The following EPHA6 variants were observed in gnomAD, a reference collection of about 807,000 sequenced individuals.
EPHA6 encodes the protein EPH receptor A6, also known as ephrin type-A receptor 6.
In EPHA6, 50 loss-of-function variants were observed where a neutral mutation model predicts 112.0. That is an observed-to-expected ratio of 0.45 (90% confidence interval 0.36 to 0.56). The LOEUF is 0.56. Ranked by LOEUF, EPHA6 falls within the 20% of genes least tolerant of loss-of-function variation. The pLI, the probability that EPHA6 is intolerant of heterozygous loss-of-function variation, is 0.00. For synonymous variants in EPHA6, 529 were observed against 490.7 expected, an observed-to-expected ratio of 1.08 and a Z score of -1.03; for missense variants, 1,280 against 1,417.4, an observed-to-expected ratio of 0.90 and a Z score of 1.56.
intron 6 of EPHA6, among the ~76,000 whole-genome samples, chr3:97,431,325 T>C (rs1272917741): frequency 6.6e-6 from 1 of 152,132 alleles, no homozygotes; most frequent in Non-Finnish European, 1.5e-5. Flanking sequence ...TTTTAAAAAC[T>C]TTAAGTCAAA....
chr3:97,426,365 C>T (rs1393062510), intron 6 of EPHA6, among the ~76,000 whole-genome samples: 2 of 152,134 alleles, frequency 1.3e-5, no homozygotes, highest in African/African-American at 4.8e-5. Context: ...TTTATGTAAC[C>T]ATCAAATCTC....
At chr3:97,559,480 T>C (rs72930184) in intron 11 of EPHA6, 47,175 of 315,534 alleles carry the variant, frequency 0.15, 4,370 homozygotes, top group Admixed American at 0.28. Context: ...AAATTCTGAA[T>C]CAGCAGACAG....
intron 4 of EPHA6, among the ~76,000 whole-genome samples, chr3:97,228,462 A>G (rs982714568): frequency 6.7e-6 from 1 of 150,372 alleles, no homozygotes; most frequent in Non-Finnish European, 1.5e-5. Flanking sequence ...ATGGTCTCCA[A>G]CTCCAGGTTG....
chr3:97,532,540 A>G lies in EPHA6; in HGVS notation c.2383A>G (p.Lys795Glu), dbSNP rs2092707044. The change falls in exon 11 of 18, where the codon AAA becomes GAA. Residue 795 changes from lysine to glutamate, a missense_variant. Physicochemically the swap from Lys to Glu is moderately conservative, Grantham distance 56. This residue lies in a region of EPHA6 where 878 missense variants were observed against 999.7 expected (regional missense o/e 0.88). Coordinates refer to ENST00000389672, the MANE Select transcript of EPHA6 (RefSeq NM_001080448.3). Reference protein sequence around the residue: ...NIIRLEGVVTKRSFPAIGVEA... With the variant: ...NIIRLEGVVTERSFPAIGVEA... The stretch of plus-strand genomic sequence containing the variant: ...CATTCGCCTAGAAGGGGTTGTCACC[A>G]AAAGTAAGTTACTGAGTTTCTTCAT... The G allele has an allele frequency of 1.3e-6, 2 of 1,594,310 alleles. No individual in the cohort carries two copies. The highest frequency in any genetic ancestry group is 1.7e-6 in the Non-Finnish European group (2 of 1,171,842).
At chr3:97,442,838 T>G in intron 6 of EPHA6, among the ~76,000 whole-genome samples, 1 of 152,164 alleles carries the variant, frequency 6.6e-6, no homozygotes, top group East Asian at 1.9e-4. Flanking sequence ...GTTCAGTGTC[T>G]ATTTCCTTTG....
At chr3:97,003,292 G>C (rs1374306115) in intron 3 of EPHA6, among the ~76,000 whole-genome samples, 1 of 152,050 alleles carries the variant, frequency 6.6e-6, no homozygotes, top group Admixed American at 6.6e-5. Flanking sequence ...ATTTTTAGTA[G>C]AGATGGGGTT....
At chr3:97,696,592 A>T (rs2107723494) in intron 14 of EPHA6, among the ~76,000 whole-genome samples, 1 of 152,282 alleles carries the variant, frequency 6.6e-6, no homozygotes, top group Non-Finnish European at 1.5e-5. Flanking sequence ...GCCCCACCTC[A>T]TAAGAACCAT....
At chr3:97,384,238 C>T (rs1415739949) in intron 5 of EPHA6, among the ~76,000 whole-genome samples, 1 of 152,116 alleles carries the variant, frequency 6.6e-6, no homozygotes, top group Admixed American at 6.6e-5. Context: ...ATATTCCTCA[C>T]AACCTGAATG....
At chr3:97,242,587 G>A (rs530409725) in intron 4 of EPHA6, among the ~76,000 whole-genome samples, 49 of 151,798 alleles carry the variant, frequency 3.2e-4, no homozygotes, top group Non-Finnish European at 6.0e-4. Context: ...AAGGAATAAT[G>A]TCTACCATGT....
At chr3:97,656,529 A>G (rs576176047) in intron 14 of EPHA6, among the ~76,000 whole-genome samples, 2 of 152,042 alleles carry the variant, frequency 1.3e-5, no homozygotes, top group Admixed American at 1.3e-4. Context: ...AAGATAAAAA[A>G]TTTTAAATAT....
Position 97,042,211 on chromosome 3 carries a change from C to T in EPHA6, c.1114+54218C>T, listed in dbSNP as rs185258117. On this transcript the variant is annotated intron_variant, in intron 3 of 17. Transcript: ENST00000389672. ...GGATCCCTTATTAATGGCTTAATGCCGACTTCATGATAGTTCTTAGGAGAT... is the reference window on the plus strand; with the variant it reads ...GGATCCCTTATTAATGGCTTAATGCTGACTTCATGATAGTTCTTAGGAGAT... Among the ~76,000 whole-genome samples, 4 of 152,064 alleles carry T rather than the reference C, an allele frequency of 2.6e-5. No individual in the cohort carries two copies. The East Asian group carries it at 7.8e-4, about 30-fold the overall frequency.
chr3:97,287,250 ATTGCTCTGGCTAGGACTTGG>A (rs1033220260), intron 5 of EPHA6, among the ~76,000 whole-genome samples: 1 of 151,964 alleles, frequency 6.6e-6, no homozygotes. Context: ...CTCTTGCCTG[ATTGCTCTGGCTAGGACTTGG>A]CATCCTTGTC....
intron 10 of EPHA6, among the ~76,000 whole-genome samples, chr3:97,506,618 T>A (rs1307887136): frequency 6.6e-6 from 1 of 152,216 alleles, no homozygotes; most frequent in Non-Finnish European, 1.5e-5. Flanking sequence ...GGTAGCATGA[T>A]GCCTCCAGCT....
intron 2 of EPHA6, among the ~76,000 whole-genome samples, chr3:96,921,244 CT>C (rs945681467): frequency 5.9e-5 from 9 of 151,886 alleles, no homozygotes; most frequent in African/African-American, 2.2e-4. Context: ...TCAGTAAGTA[CT>C]TTTTTTTCAG....
intron 2 of EPHA6, among the ~76,000 whole-genome samples, chr3:96,940,490 T>G (rs9842927): frequency 0.018 from 2,750 of 152,222 alleles, 69 homozygotes; most frequent in African/African-American, 0.05. Flanking sequence ...GCCTGTGTGT[T>G]TCTCTGCACG....
rs555090710 is a variant in EPHA6, at chr3:96,881,727, C to T, written c.450+14838C>T. Among the ~76,000 whole-genome samples the T allele has an allele frequency of 1.2e-4, 19 of 152,318 alleles. No individual in the cohort carries two copies. In the South Asian group the frequency reaches 3.7e-3, roughly 30 times the overall value. On this transcript the variant is annotated intron_variant, in intron 2 of 17. Transcript: ENST00000389672. ...GTCCAAAGTCTCATCCAAGACAAGG[C>T]AAATTTCTGCCTATGTGCCTGTAAA...
intron 1 of EPHA6, among the ~76,000 whole-genome samples, chr3:96,825,890 A>T (rs2033627533): frequency 6.6e-6 from 1 of 151,790 alleles, no homozygotes; most frequent in African/African-American, 2.4e-5. Context: ...AAAATTAATT[A>T]TAATAATTAA....
chr3:96,908,335 G>A (rs1159386781), intron 2 of EPHA6, among the ~76,000 whole-genome samples: 2 of 151,778 alleles, frequency 1.3e-5, no homozygotes, highest in Non-Finnish European at 2.9e-5. Flanking sequence ...ATATATTATA[G>A]GAATAAAGCT....
intron 2 of EPHA6, among the ~76,000 whole-genome samples, chr3:96,925,361 G>C (rs1318784029): frequency 6.6e-6 from 1 of 151,884 alleles, no homozygotes; most frequent in Non-Finnish European, 1.5e-5. Context: ...ATTTCTTCCT[G>C]GTTCAGTCTT....
Sources: allele counts gnomAD v4.1 joint callset (sites outside exome capture counted in the v4.1 genomes callset), GRCh38; gene constraint gnomAD v4.1.1; regional missense constraint gnomAD v4.1.1; transcripts MANE v1.5; gene names NCBI Gene and HGNC (gene_info 2026-07-23, HGNC 2026-07-21).